WDR76: variants seen among roughly 807,000 people sequenced by gnomAD.
WDR76 encodes WD repeat-containing protein 76.
Under a neutral mutation model 70.2 loss-of-function variants are expected in WDR76, and 52 were observed. That is an observed-to-expected ratio of 0.74 (90% CI 0.59 to 0.93). The LOEUF (loss-of-function observed/expected upper bound fraction) is 0.93, where lower values mean the gene tolerates loss of function less well. Ranked by LOEUF, WDR76 falls within the 40% of genes least tolerant of loss-of-function variation. The pLI is 0.00. For missense variants in WDR76, 756 were observed against 760.2 expected (o/e 0.99, Z 0.07); for synonymous variants, 292 against 271.1 (o/e 1.08, Z -0.76).
At chr15:43,835,008 C>G (rs2087637100) in intron 2 of WDR76, 53 bp from the exon 3 acceptor site, 1 of 1,481,420 alleles carries the variant, frequency 6.8e-7, no homozygotes, top group Non-Finnish European at 9.4e-7. Flanking sequence ...TTGTGAAGTG[C>G]TTTTCCTGTA....
At chr15:43,839,303 G>A (rs900166727) in intron 4 of WDR76, among the ~76,000 whole-genome samples, 1 of 151,984 alleles carries the variant, frequency 6.6e-6, no homozygotes, top group Non-Finnish European at 1.5e-5. Flanking sequence ...CTTTGTTTTT[G>A]CTTTTTATAA....
chr15:43,848,953 C>G (rs1596077102), intron 8 of WDR76, among the ~76,000 whole-genome samples: 3 of 130,896 alleles, frequency 2.3e-5, no homozygotes, highest in Admixed American at 8.3e-5. Context: ...TTTTTTGAGG[C>G]CAAAAAAACT....
At chr15:43,847,197 G>T (rs888934715) in intron 8 of WDR76, among the ~76,000 whole-genome samples, 11 of 151,960 alleles carry the variant, frequency 7.2e-5, no homozygotes, top group African/African-American at 2.7e-4. Flanking sequence ...TTAAAAAATG[G>T]CTTCATTGAG....
rs181873533 is a variant in WDR76 at position 43,839,617 on chromosome 15, G to C, written c.621G>C (p.Lys207Asn). Residue 207 changes from lysine to asparagine, a missense_variant, in exon 5 of 13, where the codon AAG (lysine) becomes AAC (asparagine). By Grantham distance (94) the Lys-to-Asn change is moderately conservative (BLOSUM62 0). Transcript: ENST00000263795. ...CCCACTCCTTTAGAAAGAAGCCTAA[G>C]AGAGAAAATGGGATTGGATGTAGAA... ...QPPKSKRKKP[K>N]RENGIGCRRS... The C allele has an allele frequency of 4.3e-6, 7 of 1,610,682 alleles. No homozygotes were observed. Among genetic ancestry groups the C allele is most frequent in the Admixed American group, 1.7e-5 (1 of 59,500 alleles).
intron 4 of WDR76, among the ~76,000 whole-genome samples, chr15:43,837,928 T>A (rs2087677574): frequency 2.7e-5 from 4 of 149,608 alleles, no homozygotes. Context: ...CAGTCTGGAG[T>A]GCAGTGGCGC....
chr15:43,861,832 ATTTTTTTT>A (rs898404641), intron 12 of WDR76, among the ~76,000 whole-genome samples: 1 of 104,762 alleles, frequency 9.5e-6, no homozygotes, highest in African/African-American at 3.7e-5. Context: ...GTATTTGTGT[ATTTTTTTT>A]TTTTTTTTTT....
At position 43,836,153 on chromosome 15, in the gene WDR76, C is replaced by CT; in HGVS notation, c.553-5dup. The CT allele has an allele frequency of 6.2e-7, 1 of 1,601,508 alleles. No homozygotes were observed. The highest frequency in any genetic ancestry group is 2.2e-5 in the East Asian group (1 of 44,554). ...ATAACATTTTTACATGATTTTTATA[C>CT]TTTACAGTCTGCTGCAAGACTCCGT... On this transcript the variant is annotated splice_region_variant and splice_polypyrimidine_tract_variant and intron_variant, in intron 3 of 12. Transcript: ENST00000263795.
At chr15:43,847,208 G>A (rs558787930) in intron 8 of WDR76, among the ~76,000 whole-genome samples, 1 of 151,952 alleles carries the variant, frequency 6.6e-6, no homozygotes, top group Non-Finnish European at 1.5e-5. Flanking sequence ...CTTCATTGAG[G>A]TAATAATTTA....
At chr15:43,856,707 GC>G (rs2087931438) in intron 9 of WDR76, among the ~76,000 whole-genome samples, 1 of 151,446 alleles carries the variant, frequency 6.6e-6, no homozygotes, top group African/African-American at 2.4e-5. Context: ...TTTTAAAATA[GC>G]CAGAAGAGAG....
At chr15:43,842,234 AC>A (rs1474762300) in intron 5 of WDR76, among the ~76,000 whole-genome samples, 180 bp from the exon 6 acceptor site, 2 of 152,180 alleles carry the variant, frequency 1.3e-5, no homozygotes, top group African/African-American at 4.8e-5. Context: ...TGTTATTATT[AC>A]TTTATAGGGT....
At position 43,857,555 on chromosome 15, in the gene WDR76, C is replaced by T. The variant is rs1029908706; in HGVS notation, c.1409+392C>T. 1.4e-5 allele frequency: 14 copies of T among 984,886 alleles called. No homozygotes were observed. In the South Asian group the frequency reaches 1.9e-4, roughly 13 times the overall value. The allele number at this position is 984,886 out of a possible 1,614,324, so 61.0% of individuals were successfully genotyped here. ...AACTTGACAGCTGGGCGTGGTGGCT[C>T]ATGCCTGTAATCCCAGCCCTTTGGG... On this transcript the variant is annotated intron_variant, in intron 10 of 12. Transcript: ENST00000263795.
intron 11 of WDR76, 65 bp from the exon 12 acceptor site, chr15:43,861,268 C>T: frequency 7.8e-7 from 1 of 1,275,958 alleles, no homozygotes; most frequent in Non-Finnish European, 1.1e-6. Context: ...TTGTTAAATA[C>T]ACTGATATTT....
chr15:43,844,759 G>A (rs68079546), intron 8 of WDR76, among the ~76,000 whole-genome samples: 1 of 148,284 alleles, frequency 6.7e-6, no homozygotes, highest in African/African-American at 2.5e-5. Context: ...AAACCCCATC[G>A]CTACTAAAAA....
At chr15:43,862,403 C>T (rs1214568024) in intron 12 of WDR76, among the ~76,000 whole-genome samples, 2 of 147,740 alleles carry the variant, frequency 1.4e-5, no homozygotes, top group African/African-American at 2.5e-5. Flanking sequence ...CTGCAGCCTC[C>T]GCCTCCTGGG....
chr15:43,842,759 T>A, intron 7 of WDR76, 88 bp downstream of exon 7: 1 of 1,236,524 alleles, frequency 8.1e-7, no homozygotes, highest in Non-Finnish European at 1.1e-6. Flanking sequence ...ATTTTGAAAG[T>A]GAGATGAAAT....
chr15:43,846,667 C>A (rs2087792445), intron 8 of WDR76, among the ~76,000 whole-genome samples: 1 of 151,896 alleles, frequency 6.6e-6, no homozygotes, highest in South Asian at 2.1e-4. Flanking sequence ...ATGAGTTGAT[C>A]TGTATAGATT....
chr15:43,847,852 T>TG (rs1774646221), intron 8 of WDR76, among the ~76,000 whole-genome samples: 1 of 152,138 alleles, frequency 6.6e-6, no homozygotes, highest in Non-Finnish European at 1.5e-5. Flanking sequence ...CCACTGCACC[T>TG]GGCCTCAGTG....
chr15:43,828,266 A>G lies in WDR76; in HGVS notation c.362A>G (p.Asn121Ser). ...NSSSAVHTES[N>S]KLQPKRTADA... ...TCCTCAGCTGTTCATACTGAAAGTA[A>G]CAAGCTACAACCCAAGAGAACGGCA... Residue 121 changes from asparagine to serine, a missense_variant, in exon 2 of 13, where the codon AAC becomes AGC. Asn to Ser is a conservative substitution (Grantham distance 46). Transcript: ENST00000263795. The G allele has an allele frequency of 1.2e-6, 2 of 1,614,222 alleles. No individual in the cohort carries two copies. The highest frequency in any genetic ancestry group is 1.7e-6 in the Non-Finnish European group (2 of 1,180,046).
In WDR76 at chr15:43,866,317, C is replaced by T; in HGVS notation, c.1806C>T (p.His602=). The T allele has an allele frequency of 6.2e-7, 1 of 1,614,076 alleles. No homozygotes were observed. Among genetic ancestry groups the T allele is most frequent in the South Asian group, 1.1e-5 (1 of 91,078 alleles). Residue 602 remains histidine (H), a synonymous_variant, in exon 13 of 13, where the codon CAC becomes CAT. Coordinates refer to ENST00000263795, the MANE Select transcript of WDR76 (RefSeq NM_024908.4). ...CTGTGTGTTCCATCAATGCCATGCA[C>T]CCAACTCGGTATATTTTGGCTGGAG... ...LVSVCSINAM[H]PTRYILAGGN...
Sources: gnomAD v4.1 joint callset for allele counts (sites outside exome capture counted in the v4.1 genomes callset) on GRCh38, gnomAD v4.1.1 for gene constraint, MANE v1.5 for transcripts, NCBI Gene and HGNC (gene_info 2026-07-23, HGNC 2026-07-21) for gene names.